Variants in THSD7B observed in about 807,000 individuals in gnomAD.
The protein encoded by THSD7B is thrombospondin type-1 domain-containing protein 7B.
THSD7B carries 138 observed loss-of-function variants against 213.6 expected under a neutral mutation model. The observed-to-expected ratio is 0.65, with a 90% CI of 0.56 to 0.74. The LOEUF (loss-of-function observed/expected upper bound fraction) is 0.74, where lower values mean the gene tolerates loss of function less well. Among genes scored for constraint, THSD7B ranks in the 30% least tolerant of loss-of-function variants. THSD7B has a pLI of 0.00. For synonymous variants in THSD7B, 742 were observed against 687.0 expected (o/e 1.08, Z -1.25); for missense variants, 1,931 against 1,991.5 (o/e 0.97, Z 0.58).
chr2:136,885,415 G>A (rs1683701281), intron 2 of THSD7B, among the ~76,000 whole-genome samples: 1 of 152,110 alleles, frequency 6.6e-6, no homozygotes, highest in African/African-American at 2.4e-5. Flanking sequence ...TGAGTTGTAG[G>A]CTGCAAGGTC....
chr2:136,931,797 A>G (rs997819271), intron 2 of THSD7B, among the ~76,000 whole-genome samples: 1 of 152,200 alleles, frequency 6.6e-6, no homozygotes, highest in African/African-American at 2.4e-5. Flanking sequence ...GTAAAAGTAA[A>G]CCAGGACTAG....
At chr2:137,451,338 A>T (rs967281876) in intron 15 of THSD7B, among the ~76,000 whole-genome samples, 4 of 151,638 alleles carry the variant, frequency 2.6e-5, no homozygotes, top group African/African-American at 9.7e-5. Flanking sequence ...GTGTGTATAT[A>T]TATATGTCTA....
At chr2:137,145,237 T>A (rs1679670853) in intron 5 of THSD7B, among the ~76,000 whole-genome samples, 1 of 152,086 alleles carries the variant, frequency 6.6e-6, no homozygotes, top group Admixed American at 6.6e-5. Context: ...GAGTATCATA[T>A]AATTAGTTGA....
At chr2:137,350,084 G>C (rs1684973850) in intron 12 of THSD7B, among the ~76,000 whole-genome samples, 1 of 151,762 alleles carries the variant, frequency 6.6e-6, no homozygotes, top group Non-Finnish European at 1.5e-5. Context: ...AACCTGTTAT[G>C]TACCAATGTA....
rs146324146 is a variant in THSD7B, at chr2:137,392,405, T to C, written c.2501-13208T>C. On this transcript the variant is annotated intron_variant, in intron 12 of 27. Transcript: ENST00000409968. ...CTTTCTTTCTGGAGTTCTAGTAATA[T>C]TTATTTTATGAATCTGGGTGTTCCG... is the stretch of plus-strand genomic sequence containing the variant. Among the ~76,000 whole-genome samples, 170 of 152,304 alleles carry C rather than the reference T, an allele frequency of 1.1e-3. 1 individual carries two copies. Among genetic ancestry groups the C allele is most frequent in the African/African-American group, 4.0e-3 (167 of 41,576 alleles).
chr2:137,533,850 CCT>C (rs1408526845), intron 15 of THSD7B, among the ~76,000 whole-genome samples: 2 of 151,790 alleles, frequency 1.3e-5, no homozygotes. Context: ...TGATTGATAC[CCT>C]CTCTTATTAC....
At chr2:136,932,378 G>A (rs1480993304) in intron 2 of THSD7B, among the ~76,000 whole-genome samples, 1 of 152,218 alleles carries the variant, frequency 6.6e-6, no homozygotes, top group South Asian at 2.1e-4. Flanking sequence ...TATGGAAACA[G>A]TGAAAATACA....
chr2:137,538,621 C>G, intron 15 of THSD7B: 1 of 380,288 alleles, frequency 2.6e-6, no homozygotes, highest in Non-Finnish European at 5.1e-6. Flanking sequence ...TCACATATGA[C>G]AGAAAAAAAT....
At chr2:137,065,936 T>C (rs1307183137) in intron 3 of THSD7B, among the ~76,000 whole-genome samples, 1 of 151,928 alleles carries the variant, frequency 6.6e-6, no homozygotes, top group African/African-American at 2.4e-5. Context: ...CAGATTATTA[T>C]TGTTAGATCA....
rs549808566 is a variant in THSD7B at position 136,919,803 on chromosome 2, A to C, written c.139+37486A>C. Among the ~76,000 whole-genome samples the C allele has an allele frequency of 1.1e-4, 17 of 152,210 alleles. No individual in the cohort carries two copies. In the South Asian group the frequency reaches 3.3e-3, roughly 30 times the overall value. ...GGGGCAAGGAGTGTGTGAGCAAGTGAGTGTGGGGTCCAGCCACTGTGCACA... is the reference window on the plus strand; with the variant it reads ...GGGGCAAGGAGTGTGTGAGCAAGTGCGTGTGGGGTCCAGCCACTGTGCACA... On this transcript the variant is annotated intron_variant, in intron 2 of 27. Coordinates refer to ENST00000409968, the MANE Select transcript of THSD7B (RefSeq NM_001316349.2).
chr2:137,519,774 CTA>C (rs1416522796), intron 15 of THSD7B, among the ~76,000 whole-genome samples: 2 of 152,158 alleles, frequency 1.3e-5, no homozygotes, highest in Non-Finnish European at 2.9e-5. Context: ...CTTACTGGTC[CTA>C]TTTTTATACA....
intron 16 of THSD7B, among the ~76,000 whole-genome samples, chr2:137,565,372 C>G (rs928539603): frequency 6.6e-6 from 1 of 152,110 alleles, no homozygotes; most frequent in East Asian, 1.9e-4. Flanking sequence ...GGTTTTAGTA[C>G]TCTTTCATAA....
chr2:137,183,747 A>T (rs1054079669), intron 7 of THSD7B, among the ~76,000 whole-genome samples: 4 of 152,066 alleles, frequency 2.6e-5, no homozygotes, highest in Admixed American at 1.3e-4. Context: ...AAAACAAGGG[A>T]CCTAGGTATT....
chr2:136,932,474 TTAAC>T (rs34321255), intron 2 of THSD7B, among the ~76,000 whole-genome samples: 62,040 of 151,766 alleles, frequency 0.41, 14,799 homozygotes, highest in Non-Finnish European at 0.55. Flanking sequence ...GTTTTGAAAC[TTAAC>T]TAATAGGCTA....
chr2:137,670,737 C>T (rs1295943994), intron 27 of THSD7B, among the ~76,000 whole-genome samples: 2 of 151,970 alleles, frequency 1.3e-5, no homozygotes, highest in Non-Finnish European at 2.9e-5. Context: ...CTATCTAACA[C>T]AGTGAAACCC....
Position 137,659,563 on chromosome 2 carries a change from C to G in THSD7B, c.4376-101C>G, listed in dbSNP as rs1683302993. 17 of 1,024,620 alleles carry G rather than the reference C, an allele frequency of 1.7e-5. No homozygotes were observed. In the South Asian group the frequency reaches 2.4e-4, roughly 14 times the overall value. The allele number at this position is 1,024,620 out of a possible 1,614,324, so 63.5% of individuals were successfully genotyped here. On this transcript the variant is annotated intron_variant, in intron 24 of 27. Coordinates refer to ENST00000409968, the MANE Select transcript of THSD7B (RefSeq NM_001316349.2). ...AATAGATTTTTCAAAAATAATAATA[C>G]TGTTGCAAAGAGGCCGGTGGCACAG... is the stretch of plus-strand genomic sequence containing the variant.
Position 137,405,814 on chromosome 2 carries a change from T to TG in THSD7B, c.2695+8dup. The TG allele has an allele frequency of 6.2e-7, 1 of 1,605,054 alleles. No homozygotes were observed. The highest frequency in any genetic ancestry group is 8.5e-7 in the Non-Finnish European group (1 of 1,175,836). On this transcript the variant is annotated splice_region_variant and intron_variant, in intron 13 of 27. Coordinates refer to ENST00000409968, the MANE Select transcript of THSD7B (RefSeq NM_001316349.2). ...AGGCGGCGACAGCTCACAGGTATAG[T>TG]GTGCATTTTACTCTTTAGCATCAGG...
At chr2:137,159,437 T>C (rs530413002) in intron 5 of THSD7B, among the ~76,000 whole-genome samples, 6 of 137,246 alleles carry the variant, frequency 4.4e-5, no homozygotes, top group Non-Finnish European at 1.0e-4. Flanking sequence ...CAAAAAAAAA[T>C]TAATTAATTA....
intron 3 of THSD7B, among the ~76,000 whole-genome samples, chr2:137,092,070 C>T (rs757311332): frequency 1.3e-5 from 2 of 152,118 alleles, no homozygotes; most frequent in African/African-American, 2.4e-5. Context: ...AACAATGAGA[C>T]ACTGCGCTTT....
Sources: allele counts gnomAD v4.1 joint callset (sites outside exome capture counted in the v4.1 genomes callset), GRCh38; gene constraint gnomAD v4.1.1; transcripts MANE v1.5; gene names NCBI Gene and HGNC (gene_info 2026-07-23, HGNC 2026-07-21).